The following VTI1A variants were observed in gnomAD, a reference collection of about 807,000 sequenced individuals.
VTI1A encodes the protein vesicle transport through interaction with t-SNAREs homolog 1A.
A neutral mutation model predicts 34.9 loss-of-function variants in VTI1A; 22 were observed. The observed-to-expected ratio is 0.63, with a 90% CI of 0.45 to 0.90. VTI1A has a LOEUF of 0.90. VTI1A is among the 40% of genes least tolerant of loss of function. The pLI, the probability that VTI1A is intolerant of heterozygous loss-of-function variation, is 0.00. For synonymous variants in VTI1A, 87 were observed against 97.3 expected, an observed-to-expected ratio of 0.89 and a Z score of 0.62; for missense variants, 268 against 275.6, an observed-to-expected ratio of 0.97 and a Z score of 0.20.
In VTI1A at chr10:112,682,074, G is replaced by T. The variant is rs575091132; in HGVS notation, c.560+13076G>T. Among the ~76,000 whole-genome samples the T allele has an allele frequency of 2.0e-5, 3 of 152,146 alleles. No individual in the cohort carries two copies. The South Asian group carries it at 6.2e-4, about 32-fold the overall frequency. ...AGGTCTTTTAATCTGTTTGTTCAAG[G>T]CCAAGCTATTTATATGGATAATTTT... On this transcript the variant is annotated intron_variant, in intron 7 of 7. Coordinates refer to ENST00000393077, the MANE Select transcript of VTI1A (RefSeq NM_145206.4).
chr10:112,765,461 C>A (rs147183335), intron 7 of VTI1A, among the ~76,000 whole-genome samples: 2 of 152,220 alleles, frequency 1.3e-5, no homozygotes, highest in Non-Finnish European at 2.9e-5. Context: ...CTGCCCACCT[C>A]GGCCTCCCAA....
intron 3 of VTI1A, among the ~76,000 whole-genome samples, chr10:112,483,528 A>G (rs1005398084): frequency 1.3e-5 from 2 of 152,196 alleles, no homozygotes; most frequent in Non-Finnish European, 2.9e-5. Flanking sequence ...TCTTTGGTCT[A>G]GAACAGGATT....
intron 5 of VTI1A, among the ~76,000 whole-genome samples, chr10:112,608,424 A>G (rs1845170509): frequency 6.6e-6 from 1 of 152,208 alleles, no homozygotes. Flanking sequence ...GAAAAATGAT[A>G]CACAAAGCCT....
chr10:112,705,948 C>T (rs531010666), intron 7 of VTI1A, among the ~76,000 whole-genome samples: 140 of 152,118 alleles, frequency 9.2e-4, no homozygotes, highest in Non-Finnish European at 1.5e-3. Flanking sequence ...ATTCTTTTGT[C>T]GTTGTTGTTT....
At chr10:112,800,207 A>G (rs1852828663) in intron 7 of VTI1A, among the ~76,000 whole-genome samples, 1 of 152,250 alleles carries the variant, frequency 6.6e-6, no homozygotes, top group South Asian at 2.1e-4. Context: ...CAGGAGAGGC[A>G]TCTTGGCCGT....
intron 3 of VTI1A, among the ~76,000 whole-genome samples, chr10:112,478,293 G>C (rs1045809172): frequency 1.3e-5 from 2 of 152,170 alleles, no homozygotes; most frequent in Non-Finnish European, 2.9e-5. Flanking sequence ...CTGTGCTTCA[G>C]TTTCCTTATC....
At chr10:112,697,647 C>T (rs552699671) in intron 7 of VTI1A, among the ~76,000 whole-genome samples, 1 of 152,120 alleles carries the variant, frequency 6.6e-6, no homozygotes, top group Non-Finnish European at 1.5e-5. Flanking sequence ...CCGCCCACCT[C>T]AGCCTCCCAA....
intron 7 of VTI1A, among the ~76,000 whole-genome samples, chr10:112,746,420 GAAA>G (rs1353957523): frequency 6.6e-6 from 1 of 152,158 alleles, no homozygotes; most frequent in Non-Finnish European, 1.5e-5. Context: ...GGCACCTACA[GAAA>G]AAAGCCTTTC....
chr10:112,560,390 T>A (rs1163501960), intron 5 of VTI1A, among the ~76,000 whole-genome samples: 4 of 152,104 alleles, frequency 2.6e-5, no homozygotes, highest in African/African-American at 9.7e-5. Flanking sequence ...TGTTATGTCT[T>A]CAAAGAAGAC....
chr10:112,710,269 A>T lies in VTI1A; in HGVS notation c.560+41271A>T, dbSNP rs1045744863. On this transcript the variant is annotated intron_variant, in intron 7 of 7. Coordinates refer to ENST00000393077, the MANE Select transcript of VTI1A (RefSeq NM_145206.4). Reference sequence around the variant, plus strand: ...GTCGCCCAGGCTGGAGTGCATTGGCATGCTCTCAGCTCGCTGCAACCTCTG... The same window carrying T: ...GTCGCCCAGGCTGGAGTGCATTGGCTTGCTCTCAGCTCGCTGCAACCTCTG... Among the ~76,000 whole-genome samples the T allele has an allele frequency of 2.1e-5, 3 of 143,914 alleles. No individual in the cohort carries two copies. The Admixed American group carries it at 2.1e-4, about 10-fold the overall frequency. The allele number at this position is 143,914 out of a possible 152,430, so 94.4% of individuals were successfully genotyped here.
intron 2 of VTI1A, 32 bp from the exon 3 acceptor site, chr10:112,464,515 T>A: frequency 6.4e-7 from 1 of 1,568,998 alleles, no homozygotes; most frequent in Admixed American, 1.7e-5. Flanking sequence ...TAACAGTGTG[T>A]TTTAAATCAC....
intron 5 of VTI1A, among the ~76,000 whole-genome samples, chr10:112,596,134 G>C (rs982517277): frequency 6.7e-6 from 1 of 150,360 alleles, no homozygotes; most frequent in African/African-American, 2.5e-5. Flanking sequence ...GACACAGGAA[G>C]GGGAACATCA....
chr10:112,734,204 C>A (rs1420815296), intron 7 of VTI1A, among the ~76,000 whole-genome samples: 1 of 152,144 alleles, frequency 6.6e-6, no homozygotes, highest in South Asian at 2.1e-4. Context: ...AAGCTCCTTA[C>A]CAGCAGGCCA....
chr10:112,770,078 C>G (rs567075085), intron 7 of VTI1A, among the ~76,000 whole-genome samples: 2 of 151,428 alleles, frequency 1.3e-5, no homozygotes, highest in African/African-American at 4.9e-5. Context: ...AATTTCAAAC[C>G]GAGCAGGCCA....
At chr10:112,472,884 G>C (rs1001951494) in intron 3 of VTI1A, among the ~76,000 whole-genome samples, 1 of 151,650 alleles carries the variant, frequency 6.6e-6, no homozygotes, top group Non-Finnish European at 1.5e-5. Flanking sequence ...TAATGAATAT[G>C]CCTGCTACTT....
In VTI1A at chr10:112,527,097, G is replaced by A. The variant is rs779300134; in HGVS notation, c.275G>A (p.Arg92Gln). ...GKLETDFKRS[R>Q]IAYSDEVRNE... ...TGTTTTGTTTTATAGAAAAGGTCAC[G>A]GATCGCCTACAGTGACGAAGTACGG... The change falls in exon 4 of 8, where the codon CGG becomes CAG. Residue 92 changes from arginine to glutamine, a missense_variant. By Grantham distance (43) the Arg-to-Gln change is conservative. Coordinates refer to ENST00000393077, the MANE Select transcript of VTI1A (RefSeq NM_145206.4). The A allele has an allele frequency of 3.1e-6, 5 of 1,612,778 alleles. No individual in the cohort carries two copies. In the South Asian group the frequency reaches 4.4e-5, roughly 14 times the overall value.
At chr10:112,737,769 A>G in intron 7 of VTI1A, 1 of 1,059,944 alleles carries the variant, frequency 9.4e-7, no homozygotes, top group African/African-American at 1.6e-5. Context: ...ATACTTCTGG[A>G]GATCAAAAAA....
chr10:112,617,937 C>G (rs556327774), intron 5 of VTI1A, among the ~76,000 whole-genome samples: 1 of 152,016 alleles, frequency 6.6e-6, no homozygotes, highest in Non-Finnish European at 1.5e-5. Context: ...GCTGGATTAC[C>G]GAGGTCAGCG....
chr10:112,723,541 T>C (rs1377232877), intron 7 of VTI1A, among the ~76,000 whole-genome samples: 1 of 152,164 alleles, frequency 6.6e-6, no homozygotes, highest in Non-Finnish European at 1.5e-5. Context: ...GGGAAAGGCA[T>C]GTACTGCATG....
Sources: allele counts gnomAD v4.1 joint callset (sites outside exome capture counted in the v4.1 genomes callset), GRCh38; gene constraint gnomAD v4.1.1; transcripts MANE v1.5; gene names NCBI Gene and HGNC (gene_info 2026-07-23, HGNC 2026-07-21).